The following PCDH9 variants were observed in gnomAD, a reference collection of about 807,000 sequenced individuals.
PCDH9 encodes the protein protocadherin 9.
In PCDH9, 24 loss-of-function variants were observed where a neutral mutation model predicts 70.6. That is an observed-to-expected ratio of 0.34 (90% confidence interval 0.25 to 0.48). The LOEUF is 0.48. PCDH9 is among the 20% of genes least tolerant of loss of function. The pLI is 0.99. For missense variants in PCDH9, 1,281 were observed against 1,503.6 expected, an observed-to-expected ratio of 0.85 and a Z score of 2.45; for synonymous variants, 562 against 558.5, an observed-to-expected ratio of 1.01 and a Z score of -0.09.
intron 3 of PCDH9, among the ~76,000 whole-genome samples, chr13:66,667,217 G>T (rs1307013296): frequency 1.3e-5 from 2 of 152,152 alleles, no homozygotes; most frequent in African/African-American, 4.8e-5. Flanking sequence ...AGAAAGGGAA[G>T]AAAAGGCTGG....
At chr13:67,124,977 C>CTAGA (rs2086947990) in intron 2 of PCDH9, among the ~76,000 whole-genome samples, 1 of 152,094 alleles carries the variant, frequency 6.6e-6, no homozygotes, top group Non-Finnish European at 1.5e-5. Context: ...AAGCCTGGGA[C>CTAGA]TAGAACCCAG....
intron 3 of PCDH9, among the ~76,000 whole-genome samples, chr13:66,852,990 T>C (rs1254320937): frequency 6.6e-6 from 1 of 151,960 alleles, no homozygotes; most frequent in Admixed American, 6.6e-5. Flanking sequence ...AGAAGAGAAA[T>C]AGTAAGAAAT....
intron 3 of PCDH9, among the ~76,000 whole-genome samples, chr13:66,696,263 T>C (rs893493162): frequency 1.3e-5 from 2 of 152,184 alleles, no homozygotes; most frequent in East Asian, 1.9e-4. Flanking sequence ...TTTCACTAAA[T>C]TGAAGATCAC....
chr13:66,378,860 GA>G (rs1049488117), intron 4 of PCDH9, among the ~76,000 whole-genome samples: 66 of 152,272 alleles, frequency 4.3e-4, no homozygotes, highest in African/African-American at 1.6e-3. Context: ...AGCAAATAAG[GA>G]AAAGAGTGTA....
chr13:66,308,117 T>C (rs573728186), intron 4 of PCDH9, among the ~76,000 whole-genome samples: 99 of 152,212 alleles, frequency 6.5e-4, no homozygotes, highest in African/African-American at 2.4e-3. Context: ...AAGGTGTCAT[T>C]AAAATGATCT....
intron 4 of PCDH9, among the ~76,000 whole-genome samples, chr13:66,501,166 A>C (rs539415480): frequency 6.6e-6 from 1 of 152,248 alleles, no homozygotes; most frequent in South Asian, 2.1e-4. Flanking sequence ...ATTTATAATA[A>C]ATGCACATCC....
intron 4 of PCDH9, among the ~76,000 whole-genome samples, chr13:66,508,784 G>A (rs900006469): frequency 2.4e-4 from 36 of 152,140 alleles, no homozygotes; most frequent in Non-Finnish European, 4.4e-5. Context: ...TATCCAATCT[G>A]TTTTGTGAAA....
intron 3 of PCDH9, among the ~76,000 whole-genome samples, chr13:66,783,454 C>T (rs74777887): frequency 0.022 from 3,309 of 152,142 alleles, 110 homozygotes; most frequent in African/African-American, 0.076. Flanking sequence ...CAGAATAGTT[C>T]CCCTTAAAGG....
At chr13:67,207,218 A>G (rs1445467500) in intron 2 of PCDH9, 2 of 151,982 alleles carry the variant, frequency 1.3e-5, no homozygotes, top group Admixed American at 6.6e-5. Flanking sequence ...AAAATGGCCA[A>G]ATTTCTTTTT....
chr13:67,191,473 T>C (rs2088912051), intron 2 of PCDH9, among the ~76,000 whole-genome samples: 1 of 152,168 alleles, frequency 6.6e-6, no homozygotes, highest in South Asian at 2.1e-4. Context: ...TGCTTCCTAA[T>C]GGGTATAATT....
intron 4 of PCDH9, among the ~76,000 whole-genome samples, chr13:66,526,748 AT>A (rs1450669750): frequency 2.6e-5 from 4 of 152,200 alleles, no homozygotes; most frequent in Non-Finnish European, 5.9e-5. Context: ...TGAAGTTACT[AT>A]ATTCCCAGCA....
chr13:66,603,998 TG>T (rs2077192613), intron 4 of PCDH9, among the ~76,000 whole-genome samples: 1 of 152,070 alleles, frequency 6.6e-6, no homozygotes, highest in Admixed American at 6.6e-5. Context: ...CTTTCATTTA[TG>T]ATGATTATTT....
At chr13:67,071,578 G>A (rs141519993) in intron 2 of PCDH9, among the ~76,000 whole-genome samples, 3 of 151,874 alleles carry the variant, frequency 2.0e-5, no homozygotes, top group African/African-American at 4.8e-5. Flanking sequence ...TAAAAAATTC[G>A]GAGAAATTAT....
At chr13:66,438,351 G>A (rs1957915243) in intron 4 of PCDH9, among the ~76,000 whole-genome samples, 1 of 151,538 alleles carries the variant, frequency 6.6e-6, no homozygotes, top group South Asian at 2.1e-4. Flanking sequence ...GCTTCTTTTT[G>A]ACATCAAAGG....
chr13:66,308,926 T>A (rs557271676), intron 4 of PCDH9, among the ~76,000 whole-genome samples: 1 of 152,142 alleles, frequency 6.6e-6, no homozygotes, highest in Non-Finnish European at 1.5e-5. Flanking sequence ...AAAACCTATA[T>A]ACATCAATCA....
intron 4 of PCDH9, among the ~76,000 whole-genome samples, chr13:66,596,155 A>C (rs9529101): frequency 0.98 from 148,252 of 151,606 alleles, 72,585 homozygotes; most frequent in East Asian, 1. Flanking sequence ...CTAAGGAATG[A>C]AAAATTGTCT....
intron 4 of PCDH9, among the ~76,000 whole-genome samples, chr13:66,535,639 A>G (rs1960666767): frequency 1.3e-5 from 2 of 152,112 alleles, no homozygotes; most frequent in South Asian, 2.1e-4. Flanking sequence ...AATGTAACAC[A>G]AGAAAATTTC....
At chr13:66,388,193 T>C (rs936006240) in intron 4 of PCDH9, among the ~76,000 whole-genome samples, 3 of 152,188 alleles carry the variant, frequency 2.0e-5, no homozygotes, top group African/African-American at 7.2e-5. Context: ...TATAATGAAC[T>C]CTTCCAGACT....
At chr13:66,543,575 A>G (rs1389610487) in intron 4 of PCDH9, among the ~76,000 whole-genome samples, 1 of 152,042 alleles carries the variant, frequency 6.6e-6, no homozygotes, top group Non-Finnish European at 1.5e-5. Flanking sequence ...TCAAAAAAAA[A>G]AAAGATTAAG....
Sources: allele counts gnomAD v4.1 joint callset (sites outside exome capture counted in the v4.1 genomes callset), GRCh38; gene constraint gnomAD v4.1.1; transcripts MANE v1.5; gene names NCBI Gene and HGNC (gene_info 2026-07-23, HGNC 2026-07-21).